MLC1: variants seen among roughly 807,000 people sequenced by gnomAD.
The protein encoded by MLC1 is modulator of VRAC current 1, also known as membrane protein MLC1.
MLC1 carries 32 observed loss-of-function variants against 44.7 expected under a neutral mutation model. The observed-to-expected ratio is 0.72, with a 90% confidence interval of 0.54 to 0.96. The LOEUF is 0.96. MLC1 is among the 40% of genes least tolerant of loss of function. MLC1 has a pLI of 0.00. For synonymous variants in MLC1, 190 were observed against 213.0 expected, an observed-to-expected ratio of 0.89 and a Z score of 0.94; for missense variants, 459 against 492.2, an observed-to-expected ratio of 0.93 and a Z score of 0.64.
chr22:50,068,725 C>CTTTTTTTT (rs765426637), intron 9 of MLC1, among the ~76,000 whole-genome samples, 170 bp from the exon 10 acceptor site: 128 of 105,236 alleles, frequency 1.2e-3, no homozygotes, highest in African/African-American at 3.2e-3. Flanking sequence ...TTTTCTTTTT[C>CTTTTTTTT]TTTTTTTTTT....
In MLC1 at chr22:50,077,386, A is replaced by G. The variant is rs768632337; in HGVS notation, c.525+15T>C. ...TCTGCACCCCCTGCCCTGCGGGGTC[A>G]GAAGCTGCACCCACCTTCTTTTTCT... On this transcript the variant is annotated intron_variant, in intron 6 of 11. Transcript: ENST00000311597. 168 of 1,611,930 alleles carry G rather than the reference A, an allele frequency of 1.0e-4. No individual in the cohort carries two copies. Among genetic ancestry groups the G allele is most frequent in the Admixed American group, 8.0e-4 (48 of 59,984 alleles).
intron 7 of MLC1, among the ~76,000 whole-genome samples, chr22:50,075,732 A>T (rs2061964536): frequency 6.6e-6 from 1 of 151,092 alleles, no homozygotes. Flanking sequence ...AAAAAAAAAG[A>T]AGCAGAACGG....
At chr22:50,075,076 G>A (rs1010195566) in intron 7 of MLC1, among the ~76,000 whole-genome samples, 3 of 152,052 alleles carry the variant, frequency 2.0e-5, no homozygotes, top group African/African-American at 4.8e-5. Flanking sequence ...AGCCCTGGTT[G>A]TGGACTCATC....
chr22:50,078,486 C>G (rs1238153715), intron 5 of MLC1, among the ~76,000 whole-genome samples: 1 of 151,630 alleles, frequency 6.6e-6, no homozygotes, highest in Non-Finnish European at 1.5e-5. Flanking sequence ...CGCCTGTGAT[C>G]CCAGCACTTT....
chr22:50,071,181 T>C (rs1228969504), intron 8 of MLC1, among the ~76,000 whole-genome samples: 1 of 151,922 alleles, frequency 6.6e-6, no homozygotes, highest in African/African-American at 2.4e-5. Flanking sequence ...CGATCTTGAC[T>C]CACTGCAACC....
chr22:50,066,278 C>T (rs958337878), intron 10 of MLC1, among the ~76,000 whole-genome samples: 1 of 152,052 alleles, frequency 6.6e-6, no homozygotes, highest in Admixed American at 6.6e-5. Flanking sequence ...GTGGGCGGAT[C>T]GCTTCAGCCC....
chr22:50,082,209 G>A (rs2062161863), intron 3 of MLC1, among the ~76,000 whole-genome samples: 1 of 95,416 alleles, frequency 1.0e-5, no homozygotes, highest in Non-Finnish European at 2.5e-5. Context: ...TGGGGTCCGC[G>A]GCTTGCGGGC....
In MLC1 at chr22:50,083,130, T is replaced by C; in HGVS notation, c.221A>G (p.Asn74Ser). The part of the protein sequence containing the change: ...VTSGFSLYLG[N>S]VFPAEMDYLR... Reference sequence around the variant, plus strand: ...GTAATCCATCTCAGCCGGGAACACGTTCCCCAGGTACAGCGAAAACCCCGA... The same window carrying C: ...GTAATCCATCTCAGCCGGGAACACGCTCCCCAGGTACAGCGAAAACCCCGA... Residue 74 changes from asparagine to serine, a missense_variant, in exon 3 of 12, where the codon AAC (asparagine) becomes AGC (serine). Asn to Ser is a conservative substitution (Grantham distance 46). Coordinates refer to ENST00000311597, the MANE Select transcript of MLC1 (RefSeq NM_015166.4). The surrounding 1 kb of genome is among the most constrained non-coding windows in gnomAD (Gnocchi z 4.6). 1.2e-6 allele frequency: 2 copies of C among 1,613,972 alleles called. No homozygotes were observed. The highest frequency in any genetic ancestry group is 1.7e-6 in the Non-Finnish European group (2 of 1,179,962).
chr22:50,067,424 A>G (rs1177693254), intron 10 of MLC1, among the ~76,000 whole-genome samples: 1 of 106,544 alleles, frequency 9.4e-6, no homozygotes, highest in Non-Finnish European at 1.8e-5. Context: ...CAGTGACTCT[A>G]TCCCCTGTCA....
intron 7 of MLC1, among the ~76,000 whole-genome samples, chr22:50,076,549 C>T (rs999921715): frequency 4.0e-5 from 6 of 149,372 alleles, no homozygotes; most frequent in African/African-American, 1.2e-4. Context: ...AGTGAGACTC[C>T]GTCTCAAAAA....
intron 3 of MLC1, among the ~76,000 whole-genome samples, chr22:50,081,596 C>T (rs554320612): frequency 1.8e-4 from 28 of 152,362 alleles, no homozygotes; most frequent in Non-Finnish European, 2.5e-4. Flanking sequence ...CTTGCTCCTG[C>T]AGCCATGGGA....
rs776995857 is a variant in MLC1, at chr22:50,079,987, CGTGGAAA to C, written c.347_353del (p.Val116GlyfsTer4). 6.2e-7 allele frequency: 1 copy of C among 1,614,046 alleles called. No homozygotes were observed. Among genetic ancestry groups the C allele is most frequent in the East Asian group, 2.2e-5 (1 of 44,878 alleles). ...TTAAACACGTAGTGGTCACAGCAAACGTGGAAACAAACAATATCTGAAAGTTGGGAAT... is the reference window on the plus strand; with the variant it reads ...TTAAACACGTAGTGGTCACAGCAAACCAAACAATATCTGAAAGTTGGGAAT... On this transcript the variant is annotated frameshift_variant, in exon 5 of 12. Coordinates refer to ENST00000311597, the MANE Select transcript of MLC1 (RefSeq NM_015166.4). LOFTEE classifies it high-confidence loss of function.
intron 10 of MLC1, among the ~76,000 whole-genome samples, chr22:50,067,951 GA>G (rs921871568): frequency 5.0e-4 from 68 of 135,116 alleles, no homozygotes; most frequent in East Asian, 2.7e-3. Flanking sequence ...ACTTATACTG[GA>G]AAAAAAAAAA....
At chr22:50,072,495 C>T (rs1249370091) in intron 8 of MLC1, among the ~76,000 whole-genome samples, 2 of 152,148 alleles carry the variant, frequency 1.3e-5, no homozygotes, top group African/African-American at 4.8e-5. Flanking sequence ...GATTTAGGGG[C>T]GCCCAGGGGG....
Position 50,059,805 on chromosome 22 carries a change from G to A in MLC1, c.*1778C>T, listed in dbSNP as rs2146726421. ...CGGCCCCTGACTGTGTCCTTCCGGA[G>A]CTGCCGAGGACTGCAGAGAGGGCCT... On this transcript the variant is annotated 3_prime_UTR_variant, in exon 12 of 12. Coordinates refer to ENST00000311597, the MANE Select transcript of MLC1 (RefSeq NM_015166.4). 1 of 152,370 alleles carries A rather than the reference G, an allele frequency of 6.6e-6. No individual in the cohort carries two copies. The highest frequency in any genetic ancestry group is 1.9e-4 in the East Asian group (1 of 5,266). 9.4% of individuals were successfully genotyped at this position (152,370 alleles called of 1,614,324 possible).
intron 9 of MLC1, among the ~76,000 whole-genome samples, chr22:50,070,228 A>G (rs1438112432): frequency 1.3e-5 from 2 of 152,178 alleles, no homozygotes; most frequent in Non-Finnish European, 2.9e-5. Flanking sequence ...ACAATCGACC[A>G]GCCTTAGGAG....
rs4838882 is a variant in MLC1, at chr22:50,077,030, G to A, written c.526-118C>T. Reference sequence around the variant, plus strand: ...CAGCCTGCCGTGTAGATGCGAGACCGCCTTGGAGGCGCCCGTGGATCTTTG... The same window carrying A: ...CAGCCTGCCGTGTAGATGCGAGACCACCTTGGAGGCGCCCGTGGATCTTTG... On this transcript the variant is annotated intron_variant, in intron 6 of 11. Transcript: ENST00000311597. 0.92 allele frequency: 918,121 copies of A among 1,002,622 alleles called. 420,513 individuals are homozygous for A. The highest frequency in any genetic ancestry group is 0.94 in the Admixed American group (53,312 of 56,432). The allele number at this position is 1,002,622 out of a possible 1,614,324, so 62.1% of individuals were successfully genotyped here.
Position 50,078,935 on chromosome 22 carries a change from C to T in MLC1, c.423+983G>A, listed in dbSNP as rs564751011. The stretch of plus-strand genomic sequence containing the variant: ...GTGAGTAACTTGCCTCTGAGCAGTT[C>T]AGATACAAGCCACTGACCCAGGGAC... On this transcript the variant is annotated intron_variant, in intron 5 of 11. Coordinates refer to ENST00000311597, the MANE Select transcript of MLC1 (RefSeq NM_015166.4). Among the ~76,000 whole-genome samples, 57 of 152,222 alleles carry T rather than the reference C, an allele frequency of 3.7e-4. 1 individual carries two copies. The highest frequency in any genetic ancestry group is 1.3e-3 in the African/African-American group (54 of 41,550).
At chr22:50,075,964 G>A (rs572618536) in intron 7 of MLC1, among the ~76,000 whole-genome samples, 1 of 152,102 alleles carries the variant, frequency 6.6e-6, no homozygotes, top group East Asian at 1.9e-4. Flanking sequence ...AATATGAAGG[G>A]CAACCCCCAA....
Sources: gnomAD v4.1 joint callset for allele counts (sites outside exome capture counted in the v4.1 genomes callset) on GRCh38, gnomAD v4.1.1 for gene constraint, Gnocchi (gnomAD v3.1) non-coding constraint, MANE v1.5 for transcripts, NCBI Gene and HGNC (gene_info 2026-07-23, HGNC 2026-07-21) for gene names.